The following LRP1B variants were observed in gnomAD, a reference collection of about 807,000 sequenced individuals.
LRP1B encodes low-density lipoprotein receptor-related protein 1B.
Under a neutral mutation model 556.6 loss-of-function variants are expected in LRP1B, and 217 were observed. The ratio of observed to expected loss-of-function variants is 0.39; its 90% confidence interval spans 0.35 to 0.44. LRP1B has a LOEUF of 0.44. LRP1B is among the 20% of genes least tolerant of loss of function. The pLI is 1.00. For missense variants in LRP1B, 5,053 were observed against 5,620.8 expected (o/e 0.90, Z 3.23); for synonymous variants, 2,047 against 1,865.8 (o/e 1.10, Z -2.50).
chr2:140,746,877 GA>G lies in LRP1B; in HGVS notation c.5758+22335del, dbSNP rs1206160833. 2.7e-5 allele frequency among the ~76,000 whole-genome samples: 4 copies of G among 147,938 alleles called. 1 individual carries two copies. The highest frequency in any genetic ancestry group is 6.5e-3 in the Middle Eastern group (2 of 306). On this transcript the variant is annotated intron_variant, in intron 35 of 90. Transcript: ENST00000389484. The stretch of plus-strand genomic sequence containing the variant: ...AAGAAGAATATATGGTACCAAGAAG[GA>G]AAAAAAAATCAAATGCGTACTACTT...
intron 1 of LRP1B, among the ~76,000 whole-genome samples, chr2:142,053,847 G>T (rs544966339): frequency 9.2e-5 from 14 of 152,294 alleles, no homozygotes; most frequent in African/African-American, 2.9e-4. Flanking sequence ...AAGTGAGTAA[G>T]TCAGAATTTG....
At chr2:141,992,461 G>A (rs1702375021) in intron 1 of LRP1B, among the ~76,000 whole-genome samples, 1 of 152,120 alleles carries the variant, frequency 6.6e-6, no homozygotes, top group African/African-American at 2.4e-5. Context: ...ACAGGAAAAT[G>A]TCTACTTAGG....
At chr2:141,627,573 G>C (rs1688747233) in intron 2 of LRP1B, among the ~76,000 whole-genome samples, 1 of 152,162 alleles carries the variant, frequency 6.6e-6, no homozygotes, top group Non-Finnish European at 1.5e-5. Flanking sequence ...AAACCGTACT[G>C]TGAACTGCAT....
At chr2:140,847,218 ACT>A (rs1250786164) in intron 29 of LRP1B, among the ~76,000 whole-genome samples, 4 of 152,012 alleles carry the variant, frequency 2.6e-5, no homozygotes, top group African/African-American at 7.3e-5. Context: ...AACCCATAGA[ACT>A]CTCTACTAAA....
At chr2:140,707,223 T>A (rs1686871153) in intron 37 of LRP1B, among the ~76,000 whole-genome samples, 2 of 152,118 alleles carry the variant, frequency 1.3e-5, no homozygotes, top group Admixed American at 6.6e-5. Flanking sequence ...GATCCTTTGT[T>A]ACATATGATA....
chr2:141,035,442 A>C (rs1420315418), intron 11 of LRP1B, among the ~76,000 whole-genome samples: 2 of 152,094 alleles, frequency 1.3e-5, no homozygotes, highest in Non-Finnish European at 2.9e-5. Context: ...CCTTATATTT[A>C]GTCCCTCGTT....
At chr2:141,896,982 TGTTAGGGTACG>T (rs1699473739) in intron 1 of LRP1B, among the ~76,000 whole-genome samples, 1 of 152,096 alleles carries the variant, frequency 6.6e-6, no homozygotes, top group Non-Finnish European at 1.5e-5. Context: ...TACCACCACA[TGTTAGGGTACG>T]GCTTCCAGAT....
intron 35 of LRP1B, among the ~76,000 whole-genome samples, chr2:140,738,016 G>A (rs567896782): frequency 4.6e-5 from 7 of 152,208 alleles, no homozygotes; most frequent in African/African-American, 1.2e-4. Flanking sequence ...TCAATGATGC[G>A]CTGGAGAATT....
At chr2:141,690,428 T>A (rs1178683417) in intron 2 of LRP1B, among the ~76,000 whole-genome samples, 1 of 133,988 alleles carries the variant, frequency 7.5e-6, no homozygotes, top group African/African-American at 2.7e-5. Context: ...TATATATATA[T>A]ATATATATAT....
intron 86 of LRP1B, among the ~76,000 whole-genome samples, chr2:140,268,233 T>C (rs1160812904): frequency 2.0e-5 from 3 of 151,976 alleles, no homozygotes; most frequent in East Asian, 1.9e-4. Flanking sequence ...AATGAATCTA[T>C]TGTTCTCTTC....
chr2:141,443,609 G>A (rs1681068489), intron 3 of LRP1B, among the ~76,000 whole-genome samples: 1 of 152,068 alleles, frequency 6.6e-6, no homozygotes, highest in Non-Finnish European at 1.5e-5. Context: ...TTTTGTATAA[G>A]GTGTAAGGAA....
intron 13 of LRP1B, among the ~76,000 whole-genome samples, chr2:141,015,454 T>C (rs181767119): frequency 4.6e-5 from 7 of 152,152 alleles, no homozygotes; most frequent in Admixed American, 3.9e-4. Flanking sequence ...TCTGATATCC[T>C]GAGAGCTGCT....
chr2:140,445,121 T>TC (rs1347602411), intron 63 of LRP1B, among the ~76,000 whole-genome samples: 1 of 151,784 alleles, frequency 6.6e-6, no homozygotes, highest in East Asian at 1.9e-4. Context: ...TCTCTCTCTC[T>TC]TTTTTTTCTT....
At chr2:141,467,126 A>ATATATGTATATATATATATATATATATG (rs1682256436) in intron 3 of LRP1B, among the ~76,000 whole-genome samples, 1 of 25,782 alleles carries the variant, frequency 3.9e-5, no homozygotes, top group African/African-American at 9.5e-5. Flanking sequence ...ATATATATCT[A>ATATATGTATATATATATATATATATATG]TATATATATA....
chr2:141,296,363 T>C (rs1413821685), intron 3 of LRP1B, among the ~76,000 whole-genome samples: 6 of 152,200 alleles, frequency 3.9e-5, no homozygotes, highest in African/African-American at 1.4e-4. Context: ...TGATTTACAT[T>C]TCACATATAA....
intron 15 of LRP1B, among the ~76,000 whole-genome samples, chr2:140,999,311 G>T (rs1697343334): frequency 6.6e-6 from 1 of 151,946 alleles, no homozygotes; most frequent in South Asian, 2.1e-4. Flanking sequence ...TATTTGTGTT[G>T]ATTTAACATT....
chr2:141,680,232 G>T (rs965050164), intron 2 of LRP1B, among the ~76,000 whole-genome samples: 1 of 152,088 alleles, frequency 6.6e-6, no homozygotes, highest in Non-Finnish European at 1.5e-5. Flanking sequence ...CTTTCAAGAA[G>T]TTTGATGGTG....
chr2:141,209,401 A>G (rs1682446395), intron 6 of LRP1B, among the ~76,000 whole-genome samples: 1 of 152,080 alleles, frequency 6.6e-6, no homozygotes, highest in Admixed American at 6.5e-5. Flanking sequence ...TGTGATTGTA[A>G]GTTTTCAGAA....
intron 2 of LRP1B, among the ~76,000 whole-genome samples, chr2:141,782,998 T>C (rs1050352256): frequency 6.6e-6 from 1 of 152,076 alleles, no homozygotes; most frequent in African/African-American, 2.4e-5. Context: ...AATCAGAGAA[T>C]GTTAAGCCTG....
Sources: allele counts gnomAD v4.1 joint callset (sites outside exome capture counted in the v4.1 genomes callset), GRCh38; gene constraint gnomAD v4.1.1; transcripts MANE v1.5; gene names NCBI Gene and HGNC (gene_info 2026-07-23, HGNC 2026-07-21).